ZNF652: variants seen among roughly 807,000 people sequenced by gnomAD.
ZNF652 encodes zinc finger protein 652.
A neutral mutation model predicts 45.2 loss-of-function variants in ZNF652; 16 were observed. That is an observed-to-expected ratio of 0.35 (90% CI 0.24 to 0.54). The LOEUF (loss-of-function observed/expected upper bound fraction) is 0.54, where lower values mean the gene tolerates loss of function less well. ZNF652 is among the 20% of genes least tolerant of loss of function. The pLI, the probability that ZNF652 is intolerant of heterozygous loss-of-function variation, is 0.91. For missense variants in ZNF652, 614 were observed against 765.6 expected, an observed-to-expected ratio of 0.80 and a Z score of 2.34; for synonymous variants, 250 against 260.6, an observed-to-expected ratio of 0.96 and a Z score of 0.39.
intron 1 of ZNF652, among the ~76,000 whole-genome samples, chr17:49,359,339 A>G (rs2143152759): frequency 6.6e-6 from 1 of 152,328 alleles, no homozygotes; most frequent in Middle Eastern, 3.4e-3. Flanking sequence ...CATGCTTTCA[A>G]ACTTATAGGG....
rs776181106 is a variant in ZNF652, at chr17:49,292,411, CATACATTTTA to C, written c.*5992_*6001del. On this transcript the variant is annotated 3_prime_UTR_variant, in exon 6 of 6. Transcript: ENST00000430262. ...CATCCTTCATATATTATGGATCCAT[CATACATTTTA>C]AACAAATTAGATGAAAACAGCTAGA... 2.6e-5 allele frequency among the ~76,000 whole-genome samples: 4 copies of C among 152,160 alleles called. No individual in the cohort carries two copies. Among genetic ancestry groups the C allele is most frequent in the Non-Finnish European group, 4.4e-5 (3 of 68,012 alleles).
rs2069468039 is a variant in ZNF652 at position 49,295,937 on chromosome 17, C to CAAAAAAAAAACAAAAAAAAAAAAA, written c.*2475_*2476insTTTTTTTTTTTTTGTTTTTTTTTT. 1 of 51,222 alleles carries CAAAAAAAAAACAAAAAAAAAAAAA rather than the reference C, an allele frequency of 2.0e-5. No individual in the cohort carries two copies. Among genetic ancestry groups the CAAAAAAAAAACAAAAAAAAAAAAA allele is most frequent in the African/African-American group, 7.4e-5 (1 of 13,604 alleles). The allele number at this position is 51,222 out of a possible 1,614,324, so 3.2% of individuals were successfully genotyped here. A position where few individuals can be genotyped will look rare whatever the true frequency, so the allele number is the denominator to read the frequency against. ...CAGGCAACAGAACAAGACTCTGCCT[C>CAAAAAAAAAACAAAAAAAAAAAAA]AAAAAAAAAAAAAAAAAAAAAAAAA... On this transcript the variant is annotated 3_prime_UTR_variant, in exon 6 of 6. Transcript: ENST00000430262.
At position 49,350,928 on chromosome 17, in the gene ZNF652, C is replaced by T. The variant is rs553586862; in HGVS notation, c.-259+10981G>A. On this transcript the variant is annotated intron_variant, in intron 1 of 5. Coordinates refer to ENST00000430262, the MANE Select transcript of ZNF652 (RefSeq NM_001145365.3). ...GAGGTTGCAGTGAGCCAAGATCACA[C>T]CACTACATTCCAGTCTGGGTGACAG... 1.9e-3 allele frequency among the ~76,000 whole-genome samples: 273 copies of T among 146,104 alleles called. 3 individuals are homozygous for T. Among genetic ancestry groups the T allele is most frequent in the African/African-American group, 6.3e-3 (251 of 39,746 alleles).
intron 1 of ZNF652, among the ~76,000 whole-genome samples, chr17:49,326,260 A>G (rs1002926608): frequency 5.5e-4 from 84 of 151,730 alleles, no homozygotes; most frequent in Non-Finnish European, 9.1e-4. Flanking sequence ...AAAAAAAAAA[A>G]AAGAAGTATG....
chr17:49,352,609 T>C lies in ZNF652; in HGVS notation c.-259+9300A>G, dbSNP rs113424044. Among the ~76,000 whole-genome samples the C allele has an allele frequency of 9.2e-4, 140 of 152,332 alleles. 1 individual carries two copies. Among genetic ancestry groups the C allele is most frequent in the African/African-American group, 3.0e-3 (125 of 41,578 alleles). ...TTATAAGTTAAAGATACATACTATA[T>C]GACCTAGCAATCCCCCTCCTAGGTA... is the stretch of plus-strand genomic sequence containing the variant. On this transcript the variant is annotated intron_variant, in intron 1 of 5. Transcript: ENST00000430262.
intron 1 of ZNF652, among the ~76,000 whole-genome samples, chr17:49,342,276 A>G (rs1355869842): frequency 6.6e-6 from 1 of 152,122 alleles, no homozygotes; most frequent in African/African-American, 2.4e-5. Flanking sequence ...TAAGCTTTCT[A>G]TAAACTTGTG....
chr17:49,351,250 A>G (rs2070280181), intron 1 of ZNF652, among the ~76,000 whole-genome samples: 1 of 151,926 alleles, frequency 6.6e-6, no homozygotes, highest in South Asian at 2.1e-4. Flanking sequence ...GACTTCTGAC[A>G]TTAACTGGCA....
chr17:49,361,845 G>A (rs2070399965), intron 1 of ZNF652, 64 bp downstream of exon 1: 1 of 151,440 alleles, frequency 6.6e-6, no homozygotes, highest in South Asian at 2.1e-4. Context: ...CGGCGGAGAG[G>A]AAGGGCTGCC....
At chr17:49,334,933 G>A (rs189540850) in intron 1 of ZNF652, among the ~76,000 whole-genome samples, 1 of 152,116 alleles carries the variant, frequency 6.6e-6, no homozygotes, top group African/African-American at 2.4e-5. Context: ...AATAGAGACA[G>A]AAAGTAAATC....
chr17:49,313,135 G>T (rs757891976), intron 2 of ZNF652, among the ~76,000 whole-genome samples: 1 of 152,140 alleles, frequency 6.6e-6, no homozygotes, highest in East Asian at 1.9e-4. Flanking sequence ...AGTTAGTATT[G>T]TACCTATGAA....
chr17:49,343,941 G>A (rs998765209), intron 1 of ZNF652, among the ~76,000 whole-genome samples: 3 of 152,170 alleles, frequency 2.0e-5, no homozygotes, highest in Admixed American at 6.5e-5. Flanking sequence ...GCTCAAGCCT[G>A]TAATCCCAGC....
At chr17:49,300,007 A>C (rs2069530375) in intron 5 of ZNF652, among the ~76,000 whole-genome samples, 1 of 152,174 alleles carries the variant, frequency 6.6e-6, no homozygotes, top group Admixed American at 6.5e-5. Flanking sequence ...CTGATACTCC[A>C]AACAAAAGTA....
At chr17:49,348,045 C>T (rs1262268455) in intron 1 of ZNF652, among the ~76,000 whole-genome samples, 1 of 152,014 alleles carries the variant, frequency 6.6e-6, no homozygotes, top group Non-Finnish European at 1.5e-5. Flanking sequence ...CACACCCTAC[C>T]AAACCTTAAT....
rs542320155 is a variant in ZNF652, at chr17:49,355,251, G to A, written c.-259+6658C>T. On this transcript the variant is annotated intron_variant, in intron 1 of 5. Transcript: ENST00000430262. The stretch of plus-strand genomic sequence containing the variant: ...AAAAAACTTTTAATAATTAATTCAC[G>A]AGGGATTGTGATTTCAATATTATGA... 9.2e-5 allele frequency among the ~76,000 whole-genome samples: 14 copies of A among 152,066 alleles called. No homozygotes were observed. In the South Asian group the frequency reaches 3.0e-3, roughly 32 times the overall value.
Position 49,317,849 on chromosome 17 carries a change from C to T in ZNF652, c.-124G>A, listed in dbSNP as rs774983114. On this transcript the variant is annotated 5_prime_UTR_variant, in exon 2 of 6. Coordinates refer to ENST00000430262, the MANE Select transcript of ZNF652 (RefSeq NM_001145365.3). The stretch of plus-strand genomic sequence containing the variant: ...ATCACTCAAATGAAAAAAAGATATT[C>T]CTGGAAACTGTGTGCAATTCTTCCA... 3.6e-6 allele frequency: 4 copies of T among 1,101,276 alleles called. No homozygotes were observed. The highest frequency in any genetic ancestry group is 3.2e-5 in the African/African-American group (2 of 63,206). The allele number at this position is 1,101,276 out of a possible 1,614,324, so 68.2% of individuals were successfully genotyped here. A position where few individuals can be genotyped will look rare whatever the true frequency, so the allele number is the denominator to read the frequency against.
upstream of ZNF652, chr17:49,362,404 C>A (rs1238001164): frequency 6.6e-6 from 1 of 151,654 alleles, no homozygotes; most frequent in Admixed American, 6.6e-5. Flanking sequence ...CGGGCCGGCC[C>A]GGGCGCACCT....
At chr17:49,339,087 G>A (rs906489352) in intron 1 of ZNF652, among the ~76,000 whole-genome samples, 1 of 152,076 alleles carries the variant, frequency 6.6e-6, no homozygotes, top group Non-Finnish European at 1.5e-5. Flanking sequence ...ACTAGCTGTG[G>A]GTGATACTTA....
chr17:49,309,555 G>A (rs2069680873), intron 5 of ZNF652, among the ~76,000 whole-genome samples: 1 of 150,538 alleles, frequency 6.6e-6, no homozygotes. Flanking sequence ...CAAAACTTAT[G>A]CTGTTTAGTT....
Position 49,316,930 on chromosome 17 carries a change from C to T in ZNF652, c.796G>A (p.Val266Ile), listed in dbSNP as rs374441735. The change falls in exon 2 of 6, where the codon GTT becomes ATT. Residue 266 changes from valine to isoleucine, a missense_variant. Val to Ile is a conservative substitution (Grantham distance 29). Transcript: ENST00000430262. ...CAAATCTGCATGCGCCTATGAGTAA[C>T]GTTCATGTGCTTCTCCAGGTACCAG... Reference protein sequence around the residue: ...TRWYLEKHMNVTHRRMQICDK... With the variant: ...TRWYLEKHMNITHRRMQICDK... 1.7e-5 allele frequency: 28 copies of T among 1,614,022 alleles called. No individual in the cohort carries two copies. In the African/African-American group the frequency reaches 1.7e-4, roughly 10 times the overall value.
Sources: gnomAD v4.1 joint callset for allele counts (sites outside exome capture counted in the v4.1 genomes callset) on GRCh38, gnomAD v4.1.1 for gene constraint, MANE v1.5 for transcripts, NCBI Gene and HGNC (gene_info 2026-07-23, HGNC 2026-07-21) for gene names.